TMTC3: variants seen among roughly 807,000 people sequenced by gnomAD.
TMTC3 encodes the protein transmembrane O-mannosyltransferase targeting cadherins 3, also known as protein O-mannosyl-transferase TMTC3.
In TMTC3, 52 loss-of-function variants were observed where a neutral mutation model predicts 92.2. That is an observed-to-expected ratio of 0.56 (90% confidence interval 0.45 to 0.71). The LOEUF (loss-of-function observed/expected upper bound fraction) is 0.71. Among genes scored for constraint, TMTC3 ranks in the 30% least tolerant of loss-of-function variants. TMTC3 has a pLI of 0.00. For synonymous variants in TMTC3, 339 were observed against 363.3 expected (o/e 0.93, Z 0.76); for missense variants, 896 against 1,057.1 (o/e 0.85, Z 2.11).
At chr12:88,185,893 TTTGA>T (rs1261221378) in intron 10 of TMTC3, among the ~76,000 whole-genome samples, 3 of 152,156 alleles carry the variant, frequency 2.0e-5, no homozygotes, top group East Asian at 1.9e-4. Context: ...TAATACACAA[TTTGA>T]TTGTGACTTA....
chr12:88,168,944 T>C (rs1193736697), intron 7 of TMTC3, among the ~76,000 whole-genome samples: 4 of 152,182 alleles, frequency 2.6e-5, no homozygotes, highest in Admixed American at 6.6e-5. Flanking sequence ...AGGTTTGGCC[T>C]GAGATAGAAG....
intron 6 of TMTC3, among the ~76,000 whole-genome samples, chr12:88,163,864 G>A (rs1008316618): frequency 2.0e-5 from 3 of 152,026 alleles, no homozygotes; most frequent in Admixed American, 6.6e-5. Flanking sequence ...CCACTACACC[G>A]ACCATGGGTA....
At chr12:88,187,544 C>T (rs1592749162) in intron 10 of TMTC3, among the ~76,000 whole-genome samples, 1 of 152,026 alleles carries the variant, frequency 6.6e-6, no homozygotes, top group East Asian at 1.9e-4. Flanking sequence ...CCTCCTGGCT[C>T]CATGAGACTC....
chr12:88,144,085 TGGATTTGGTG>T (rs771997504), intron 1 of TMTC3, among the ~76,000 whole-genome samples: 97 of 152,324 alleles, frequency 6.4e-4, no homozygotes, highest in Middle Eastern at 3.4e-3. Flanking sequence ...CTCGCCATCT[TGGATTTGGTG>T]GGATTTGGCT....
chr12:88,158,677 T>TATCCA (rs2041038534), intron 4 of TMTC3, among the ~76,000 whole-genome samples: 1 of 151,672 alleles, frequency 6.6e-6, no homozygotes, highest in African/African-American at 2.4e-5. Flanking sequence ...GAAGAAAATG[T>TATCCA]ATTCATGAAT....
At chr12:88,190,259 G>A (rs891024096) in intron 11 of TMTC3, among the ~76,000 whole-genome samples, 194 bp from the exon 12 acceptor site, 1 of 152,058 alleles carries the variant, frequency 6.6e-6, no homozygotes, top group Admixed American at 6.6e-5. Context: ...TTTTTCTGAA[G>A]TCAAACAAAT....
Position 88,196,594 on chromosome 12 carries a change from C to G in TMTC3, c.*945C>G, listed in dbSNP as rs981530179. The G allele has an allele frequency of 1.3e-5, 2 of 151,702 alleles. No individual in the cohort carries two copies. Among genetic ancestry groups the G allele is most frequent in the African/African-American group, 2.4e-5 (1 of 41,368 alleles). The allele number at this position is 151,702 out of a possible 1,614,324, so 9.4% of individuals were successfully genotyped here. A position where few individuals can be genotyped will look rare whatever the true frequency, so the allele number is the denominator to read the frequency against. On this transcript the variant is annotated 3_prime_UTR_variant, in exon 14 of 14. Coordinates refer to ENST00000266712, the MANE Select transcript of TMTC3 (RefSeq NM_181783.4). ...TCACAATTGAATTATTCTTAGATAC[C>G]TTAAGCCACTGAATTCAGTTCTGTT...
At chr12:88,178,628 C>A (rs1206333815) in intron 10 of TMTC3, among the ~76,000 whole-genome samples, 1 of 131,062 alleles carries the variant, frequency 7.6e-6, no homozygotes, top group East Asian at 2.0e-4. Flanking sequence ...CATTTTTGTA[C>A]CCCTGCATCA....
At chr12:88,142,939 C>T (rs560273207) in intron 1 of TMTC3, among the ~76,000 whole-genome samples, 3 of 152,234 alleles carry the variant, frequency 2.0e-5, no homozygotes, top group Admixed American at 6.5e-5. Flanking sequence ...GATCCAAGGA[C>T]TCACCTGTAC....
At chr12:88,193,857 GGTTT>G (rs1224476580) in intron 13 of TMTC3, among the ~76,000 whole-genome samples, 15 of 152,046 alleles carry the variant, frequency 9.9e-5, no homozygotes, top group African/African-American at 3.4e-4. Context: ...TGTACTATAA[GGTTT>G]GTAATTGTAG....
In TMTC3 at chr12:88,195,982, C is replaced by T. The variant is rs542054979; in HGVS notation, c.*333C>T. On this transcript the variant is annotated 3_prime_UTR_variant, in exon 14 of 14. Coordinates refer to ENST00000266712, the MANE Select transcript of TMTC3 (RefSeq NM_181783.4). The stretch of plus-strand genomic sequence containing the variant: ...AATTTTGAGGCCTGAATGATAATCC[C>T]TTGAGGACAAATCCAACATGTGCTG... 15 of 177,752 alleles carry T rather than the reference C, an allele frequency of 8.4e-5. No individual in the cohort carries two copies. The highest frequency in any genetic ancestry group is 2.6e-4 in the African/African-American group (11 of 42,318). 11.0% of individuals were successfully genotyped at this position (177,752 alleles called of 1,614,324 possible).
At chr12:88,159,640 G>T (rs6538129) in intron 4 of TMTC3, among the ~76,000 whole-genome samples, 1 of 151,054 alleles carries the variant, frequency 6.6e-6, no homozygotes, top group Non-Finnish European at 1.5e-5. Flanking sequence ...TCCAGCCTGA[G>T]TGACAGGGCC....
intron 1 of TMTC3, among the ~76,000 whole-genome samples, chr12:88,143,062 T>G (rs1387720473): frequency 6.6e-6 from 1 of 152,112 alleles, no homozygotes; most frequent in African/African-American, 2.4e-5. Context: ...CTGCTCACAA[T>G]CATGCTGGAG....
At chr12:88,176,681 G>A (rs1246635598) in intron 10 of TMTC3, among the ~76,000 whole-genome samples, 2 of 152,126 alleles carry the variant, frequency 1.3e-5, no homozygotes, top group African/African-American at 4.8e-5. Context: ...AGGCTCAGGT[G>A]GGAGGATTCC....
intron 4 of TMTC3, among the ~76,000 whole-genome samples, chr12:88,159,660 CT>C (rs2041052780): frequency 1.4e-5 from 2 of 144,766 alleles, no homozygotes; most frequent in South Asian, 4.3e-4. Flanking sequence ...CAGACCCTGT[CT>C]TAAAAAAAAA....
chr12:88,153,214 G>A (rs2040964339), intron 2 of TMTC3, 77 bp from the exon 3 acceptor site: 7 of 829,758 alleles, frequency 8.4e-6, no homozygotes, highest in Non-Finnish European at 1.3e-5. Context: ...TATCTTTAAT[G>A]GTAAATGCAG....
chr12:88,194,291 C>G (rs1349379218), intron 13 of TMTC3, among the ~76,000 whole-genome samples: 1 of 152,036 alleles, frequency 6.6e-6, no homozygotes, highest in Non-Finnish European at 1.5e-5. Context: ...TGTTTTTGTC[C>G]TCGAAACATT....
chr12:88,152,358 A>G (rs924960187), intron 2 of TMTC3, among the ~76,000 whole-genome samples: 2 of 152,050 alleles, frequency 1.3e-5, no homozygotes, highest in Non-Finnish European at 2.9e-5. Context: ...AACTCATTAC[A>G]GTGGGGAAGA....
At position 88,148,344 on chromosome 12, in the gene TMTC3, C is replaced by A. The variant is rs1565941864; in HGVS notation, c.29C>A (p.Thr10Asn). The stretch of plus-strand genomic sequence containing the variant: ...GCTAATATTAACCTAAAAGAAATAA[C>A]CTTAATAGTAGGTGTGGTTACTGCC... MANINLKEI[T>N]LIVGVVTACY... The change falls in exon 2 of 14, where the codon ACC (threonine) becomes AAC (asparagine). Residue 10 changes from threonine to asparagine, a missense_variant. Transcript: ENST00000266712. The A allele has an allele frequency of 6.2e-7, 1 of 1,612,638 alleles. No individual in the cohort carries two copies. The highest frequency in any genetic ancestry group is 8.5e-7 in the Non-Finnish European group (1 of 1,179,418).
Sources: gnomAD v4.1 joint callset for allele counts (sites outside exome capture counted in the v4.1 genomes callset) on GRCh38, gnomAD v4.1.1 for gene constraint, MANE v1.5 for transcripts, NCBI Gene and HGNC (gene_info 2026-07-23, HGNC 2026-07-21) for gene names.